The following NUF2 variants were observed in gnomAD, a reference collection of about 807,000 sequenced individuals.
The protein encoded by NUF2 is NUF2 component of NDC80 kinetochore complex.
In NUF2, 34 loss-of-function variants were observed where a neutral mutation model predicts 61.8. That is an observed-to-expected ratio of 0.55 (90% CI 0.42 to 0.73). NUF2 has a LOEUF of 0.73. Among genes scored for constraint, NUF2 ranks in the 30% least tolerant of loss-of-function variants. NUF2 has a pLI of 0.00. For synonymous variants in NUF2, 172 were observed against 181.6 expected, an observed-to-expected ratio of 0.95 and a Z score of 0.42; for missense variants, 445 against 539.1, an observed-to-expected ratio of 0.83 and a Z score of 1.73.
intron 5 of NUF2, among the ~76,000 whole-genome samples, chr1:163,331,351 A>T (rs1483043448): frequency 6.6e-6 from 1 of 151,702 alleles, no homozygotes; most frequent in Admixed American, 6.6e-5. Context: ...TGCATTCAGG[A>T]TGTGTCCTGA....
At chr1:163,343,348 C>A (rs192575230) in intron 9 of NUF2, among the ~76,000 whole-genome samples, 2 of 152,186 alleles carry the variant, frequency 1.3e-5, no homozygotes, top group African/African-American at 4.8e-5. Flanking sequence ...TTTCAGGGAT[C>A]AGTACAAATT....
chr1:163,351,410 T>A (rs10737491), intron 13 of NUF2, among the ~76,000 whole-genome samples: 89,595 of 151,962 alleles, frequency 0.59, 26,830 homozygotes, highest in Middle Eastern at 0.69. Flanking sequence ...GAATTTTACT[T>A]TTTTAGGTTT....
chr1:163,333,033 C>T (rs1650648754), intron 5 of NUF2, among the ~76,000 whole-genome samples: 1 of 152,084 alleles, frequency 6.6e-6, no homozygotes, highest in South Asian at 2.1e-4. Flanking sequence ...AGACTTTTTT[C>T]CTGGTTGTTC....
Position 163,343,183 on chromosome 1 carries a change from AT to A in NUF2, c.670-549del, listed in dbSNP as rs1418382821. On this transcript the variant is annotated intron_variant, in intron 9 of 13. Transcript: ENST00000271452. ...ATGTAGTGAGCACCTTCTCAGTGCT[AT>A]AGCTTTGTTTGGGTACTGGGAAAAC... 2.0e-5 allele frequency among the ~76,000 whole-genome samples: 3 copies of A among 152,324 alleles called. No homozygotes were observed. In the East Asian group the frequency reaches 5.8e-4, roughly 29 times the overall value.
chr1:163,323,877 G>A (rs1192436579), intron 1 of NUF2, among the ~76,000 whole-genome samples: 1 of 151,692 alleles, frequency 6.6e-6, no homozygotes, highest in Non-Finnish European at 1.5e-5. Context: ...CAAAAAAAAA[G>A]AGAGGGAAAG....
Position 163,355,651 on chromosome 1 carries a change from T to C in NUF2, c.*182T>C. 1 of 392,090 alleles carries C rather than the reference T, an allele frequency of 2.6e-6. No individual in the cohort carries two copies. Among genetic ancestry groups the C allele is most frequent in the East Asian group, 4.3e-5 (1 of 23,508 alleles). The allele number at this position is 392,090 out of a possible 1,614,324, so 24.3% of individuals were successfully genotyped here. A position where few individuals can be genotyped will look rare whatever the true frequency, so the allele number is the denominator to read the frequency against. On this transcript the variant is annotated 3_prime_UTR_variant, in exon 14 of 14. Transcript: ENST00000271452. The stretch of plus-strand genomic sequence containing the variant: ...AATGTAGGCTTTTATTAATTTATAA[T>C]TAAAATAACTTGTGCAGCTATTCAT...
At chr1:163,348,924 G>A (rs1440287880) in intron 12 of NUF2, 21 bp from the exon 13 acceptor site, 3 of 1,599,242 alleles carry the variant, frequency 1.9e-6, no homozygotes, top group Non-Finnish European at 1.7e-6. Flanking sequence ...TTAAATATTA[G>A]CTGTCTCGAT....
chr1:163,351,380 C>T (rs1651312596), intron 13 of NUF2, among the ~76,000 whole-genome samples: 1 of 152,172 alleles, frequency 6.6e-6, no homozygotes. Flanking sequence ...TACTTTAGCA[C>T]AACTGTTACT....
chr1:163,351,386 T>C (rs1359966100), intron 13 of NUF2, among the ~76,000 whole-genome samples: 2 of 152,222 alleles, frequency 1.3e-5, no homozygotes, highest in Admixed American at 1.3e-4. Context: ...AGCACAACTG[T>C]TACTTTTAAT....
rs1243090390 is a variant in NUF2, at chr1:163,329,063, T to C, written c.337+156T>C. On this transcript the variant is annotated intron_variant, in intron 5 of 13. Transcript: ENST00000271452. ...CATTTTTAAGTATGAATTTTTAATA[T>C]CTTGTTGAATTTCTTTTTTTCCTTT... Among the ~76,000 whole-genome samples the C allele has an allele frequency of 3.3e-5, 5 of 151,976 alleles. No individual in the cohort carries two copies. In the South Asian group the frequency reaches 6.2e-4, roughly 19 times the overall value.
intron 1 of NUF2, among the ~76,000 whole-genome samples, chr1:163,323,712 C>A (rs2101662008): frequency 6.6e-6 from 1 of 152,068 alleles, no homozygotes; most frequent in African/African-American, 2.4e-5. Flanking sequence ...CAAACTGAGA[C>A]CCTGCCTCAA....
chr1:163,337,552 A>C (rs1050725164), intron 6 of NUF2, among the ~76,000 whole-genome samples: 6 of 152,040 alleles, frequency 3.9e-5, no homozygotes, highest in Non-Finnish European at 5.9e-5. Flanking sequence ...AGCTTACCAC[A>C]TTCATGTGCC....
At position 163,348,965 on chromosome 1, in the gene NUF2, A is replaced by G; in HGVS notation, c.1145A>G (p.Glu382Gly). Residue 382 changes from glutamate to glycine, a missense_variant, in exon 13 of 14, where the codon GAA becomes GGA. Coordinates refer to ENST00000271452, the MANE Select transcript of NUF2 (RefSeq NM_145697.3). ...TTCAGGGATTGCAATAAAGTTCAAG[A>G]AAAAAGAGGTGCTGTCTATGAACGA... ...TVIEDCNKVQ[E>G]KRGAVYERVT... is the part of the protein sequence containing the mutation. 1.2e-6 allele frequency: 2 copies of G among 1,604,532 alleles called. No individual in the cohort carries two copies. The highest frequency in any genetic ancestry group is 1.7e-6 in the Non-Finnish European group (2 of 1,177,818).
chr1:163,354,109 A>G (rs1259806527), intron 13 of NUF2, among the ~76,000 whole-genome samples: 10 of 152,156 alleles, frequency 6.6e-5, no homozygotes, highest in Non-Finnish European at 1.3e-4. Flanking sequence ...CTGTTTTTTT[A>G]TAATGGCGTT....
Position 163,355,631 on chromosome 1 carries a change from A to G in NUF2, c.*162A>G, listed in dbSNP as rs1651462541. On this transcript the variant is annotated 3_prime_UTR_variant, in exon 14 of 14. Coordinates refer to ENST00000271452, the MANE Select transcript of NUF2 (RefSeq NM_145697.3). The stretch of plus-strand genomic sequence containing the variant: ...GTAGTTAATAAGATGAATTTAATGT[A>G]GGCTTTTATTAATTTATAATTAAAA... 1.6e-5 allele frequency: 7 copies of G among 428,356 alleles called. No individual in the cohort carries two copies. In the East Asian group the frequency reaches 2.7e-4, roughly 16 times the overall value. The allele number at this position is 428,356 out of a possible 1,614,324, so 26.5% of individuals were successfully genotyped here.
At chr1:163,333,521 A>C (rs976942297) in intron 5 of NUF2, among the ~76,000 whole-genome samples, 6 of 151,812 alleles carry the variant, frequency 4.0e-5, no homozygotes, top group African/African-American at 1.2e-4. Context: ...TATTAAAATA[A>C]ATTTTATTTT....
intron 1 of NUF2, chr1:163,322,939 C>T (rs1039993947): frequency 2.0e-5 from 3 of 152,016 alleles, no homozygotes; most frequent in Non-Finnish European, 4.4e-5. Flanking sequence ...AATTGTACTT[C>T]GAAAGAATGA....
At chr1:163,342,676 A>T (rs1650985656) in intron 9 of NUF2, among the ~76,000 whole-genome samples, 1 of 152,116 alleles carries the variant, frequency 6.6e-6, no homozygotes, top group Non-Finnish European at 1.5e-5. Flanking sequence ...ATATATATAT[A>T]TGTATGTATA....
chr1:163,353,126 C>G (rs1022702299), intron 13 of NUF2, among the ~76,000 whole-genome samples: 4 of 152,114 alleles, frequency 2.6e-5, no homozygotes, highest in African/African-American at 9.7e-5. Flanking sequence ...TTTGCACTAG[C>G]TATATTTCAG....
Sources: allele counts gnomAD v4.1 joint callset (sites outside exome capture counted in the v4.1 genomes callset), GRCh38; gene constraint gnomAD v4.1.1; transcripts MANE v1.5; gene names NCBI Gene and HGNC (gene_info 2026-07-23, HGNC 2026-07-21).